PCMT1: variants seen among roughly 807,000 people sequenced by gnomAD.
PCMT1 encodes the protein protein-L-isoaspartate (D-aspartate) O-methyltransferase, also known as protein-L-isoaspartate(D-aspartate) O-methyltransferase.
A neutral mutation model predicts 29.2 loss-of-function variants in PCMT1; 9 were observed. The ratio of observed to expected loss-of-function variants is 0.31; its 90% CI spans 0.19 to 0.54. The LOEUF (loss-of-function observed/expected upper bound fraction) is 0.54. Among genes scored for constraint, PCMT1 ranks in the 20% least tolerant of loss-of-function variants. The pLI is 0.95. For synonymous variants in PCMT1, 98 were observed against 97.5 expected (o/e 1.00, Z -0.03); for missense variants, 184 against 282.2 (o/e 0.65, Z 2.49).
chr6:149,783,374 G>T (rs568009361), intron 3 of PCMT1, among the ~76,000 whole-genome samples: 1 of 152,056 alleles, frequency 6.6e-6, no homozygotes, highest in East Asian at 1.9e-4. Flanking sequence ...CTCGTGATCT[G>T]CCCACCTCAG....
At chr6:149,803,122 A>G (rs1775897434) in intron 7 of PCMT1, among the ~76,000 whole-genome samples, 1 of 151,796 alleles carries the variant, frequency 6.6e-6, no homozygotes, top group Non-Finnish European at 1.5e-5. Flanking sequence ...TTGTACCAAC[A>G]AGGAGAAAGA....
At chr6:149,761,439 G>T (rs1786737362) in intron 1 of PCMT1, among the ~76,000 whole-genome samples, 1 of 152,040 alleles carries the variant, frequency 6.6e-6, no homozygotes, top group Non-Finnish European at 1.5e-5. Context: ...TGCTTAGAGT[G>T]AACCACTTTT....
chr6:149,776,118 C>T lies in PCMT1; in HGVS notation c.192+2949C>T, dbSNP rs1787554167. On this transcript the variant is annotated intron_variant, in intron 3 of 7. Coordinates refer to ENST00000464889, the MANE Select transcript of PCMT1 (RefSeq NM_001360452.2). ...AGGTTGCGTTGAGCTGAAATTGCAC[C>T]ATTGCCCTCCAGCCTGGGCAGCAAG... Among the ~76,000 whole-genome samples the T allele has an allele frequency of 2.0e-5, 3 of 152,010 alleles. No individual in the cohort carries two copies. In the South Asian group the frequency reaches 6.2e-4, roughly 32 times the overall value.
intron 3 of PCMT1, among the ~76,000 whole-genome samples, chr6:149,778,490 A>G (rs1787671632): frequency 6.6e-6 from 1 of 152,094 alleles, no homozygotes; most frequent in East Asian, 1.9e-4. Flanking sequence ...TGGCCTCCCA[A>G]AGTGCTGGGA....
chr6:149,792,787 G>A (rs1562419515), intron 4 of PCMT1, among the ~76,000 whole-genome samples: 2 of 152,062 alleles, frequency 1.3e-5, no homozygotes, highest in Non-Finnish European at 2.9e-5. Flanking sequence ...CCAAAGTGCT[G>A]GGATTATAGG....
intron 3 of PCMT1, among the ~76,000 whole-genome samples, chr6:149,781,560 C>CCCA (rs571929674): frequency 7.4e-4 from 113 of 152,098 alleles, no homozygotes; most frequent in Admixed American, 1.8e-3. Context: ...CTTGCTATGT[C>CCCA]GCCCAGGCTG....
intron 6 of PCMT1, among the ~76,000 whole-genome samples, 191 bp from the exon 7 acceptor site, chr6:149,802,009 G>C (rs963053345): frequency 3.3e-5 from 5 of 152,038 alleles, no homozygotes; most frequent in African/African-American, 1.2e-4. Flanking sequence ...TGTGCCTGTA[G>C]TCCCAGCTAC....
chr6:149,794,446 C>T (rs1266465416), intron 5 of PCMT1, among the ~76,000 whole-genome samples: 5 of 151,978 alleles, frequency 3.3e-5, no homozygotes, highest in Non-Finnish European at 7.4e-5. Flanking sequence ...GGTGAAACTC[C>T]GTCTCTACTA....
chr6:149,758,477 T>C (rs1304343652), intron 1 of PCMT1, among the ~76,000 whole-genome samples: 2 of 151,976 alleles, frequency 1.3e-5, no homozygotes, highest in Admixed American at 6.6e-5. Flanking sequence ...CCCAAAGTGC[T>C]GGGATTACAA....
intron 3 of PCMT1, among the ~76,000 whole-genome samples, chr6:149,774,623 C>T (rs1005469557): frequency 6.6e-6 from 1 of 151,014 alleles, no homozygotes; most frequent in Non-Finnish European, 1.5e-5. Flanking sequence ...CTGCAACCTC[C>T]ACCTCCTAGG....
intron 2 of PCMT1, 118 bp from the exon 3 acceptor site, chr6:149,773,016 GAAAA>G (rs373290909): frequency 1.5e-3 from 627 of 423,202 alleles, no homozygotes; most frequent in East Asian, 2.0e-3. Context: ...GACTGTCTCA[GAAAA>G]AAAAAAAAAA....
chr6:149,787,455 C>G (rs1397466192), intron 3 of PCMT1, among the ~76,000 whole-genome samples: 2 of 151,698 alleles, frequency 1.3e-5, no homozygotes, highest in East Asian at 3.9e-4. Context: ...CAACATCCAC[C>G]TCCCGGGTTC....
intron 7 of PCMT1, among the ~76,000 whole-genome samples, chr6:149,806,572 CGTTTTT>C (rs1041957501): frequency 2.6e-5 from 4 of 151,898 alleles, no homozygotes; most frequent in African/African-American, 9.7e-5. Flanking sequence ...TCAAACTTTC[CGTTTTT>C]GTTTTTGTTT....
rs778241850 is a variant in PCMT1, at chr6:149,749,764, G to A, written c.-138G>A. 1.3e-6 allele frequency: 2 copies of A among 1,547,290 alleles called. No individual in the cohort carries two copies. Among genetic ancestry groups the A allele is most frequent in the Admixed American group, 2.0e-5 (1 of 50,862 alleles). On this transcript the variant is annotated 5_prime_UTR_variant, in exon 1 of 8. Coordinates refer to ENST00000464889, the MANE Select transcript of PCMT1 (RefSeq NM_001360452.2). Reference sequence around the variant, plus strand: ...GCGCAGTGGCGGCAGCGGCGGCGACGGCAGTAACAGCGGCAGCTACAGCGG... The same window carrying A: ...GCGCAGTGGCGGCAGCGGCGGCGACAGCAGTAACAGCGGCAGCTACAGCGG...
At chr6:149,755,757 A>G (rs1425557831) in intron 1 of PCMT1, among the ~76,000 whole-genome samples, 1 of 152,214 alleles carries the variant, frequency 6.6e-6, no homozygotes, top group African/African-American at 2.4e-5. Flanking sequence ...AGCAGTGAAC[A>G]AAACAAACAT....
At chr6:149,764,178 A>G (rs889101039) in intron 1 of PCMT1, among the ~76,000 whole-genome samples, 6 of 152,208 alleles carry the variant, frequency 3.9e-5, no homozygotes, top group African/African-American at 1.4e-4. Flanking sequence ...TCACTAAGCT[A>G]TTTGAATATG....
At chr6:149,757,111 T>C (rs1285861506) in intron 1 of PCMT1, among the ~76,000 whole-genome samples, 1 of 151,986 alleles carries the variant, frequency 6.6e-6, no homozygotes, top group African/African-American at 2.4e-5. Flanking sequence ...CTGAGATCGC[T>C]CCATTGTACC....
At chr6:149,772,154 C>G (rs1787354340) in intron 2 of PCMT1, 3 of 454,612 alleles carry the variant, frequency 6.6e-6, no homozygotes, top group African/African-American at 4.0e-5. Context: ...CGCACTATAA[C>G]AGTCAGCAGA....
At chr6:149,756,512 CTTTTTTTTTT>C (rs61038108) in intron 1 of PCMT1, among the ~76,000 whole-genome samples, 1,079 of 74,456 alleles carry the variant, frequency 0.014, 6 homozygotes, top group Non-Finnish European at 0.021. Context: ...CCATGACTGG[CTTTTTTTTTT>C]TTTTTTTTTT....
Sources: gnomAD v4.1 joint callset for allele counts (sites outside exome capture counted in the v4.1 genomes callset) on GRCh38, gnomAD v4.1.1 for gene constraint, MANE v1.5 for transcripts, NCBI Gene and HGNC (gene_info 2026-07-23, HGNC 2026-07-21) for gene names.